SLC25A26: variants seen among roughly 807,000 people sequenced by gnomAD.
SLC25A26 encodes solute carrier family 25 member 26, also known as mitochondrial S-adenosylmethionine carrier protein.
In SLC25A26, 36 loss-of-function variants were observed where a neutral mutation model predicts 37.8. The ratio of observed to expected loss-of-function variants is 0.95; its 90% CI spans 0.73 to 1.26. The LOEUF (loss-of-function observed/expected upper bound fraction) is 1.26. Among genes scored for constraint, SLC25A26 ranks in the 50% most tolerant of loss-of-function variants. The pLI, the probability that SLC25A26 is intolerant of heterozygous loss-of-function variation, is 0.00. For synonymous variants in SLC25A26, 129 were observed against 122.5 expected (o/e 1.05, Z -0.35); for missense variants, 390 against 331.1 (o/e 1.18, Z -1.38).
In SLC25A26 at chr3:66,319,719, C is replaced by G. The variant is rs191185684; in HGVS notation, c.454-26645C>G. ...CTTAAGGGGTCAGCTAAACTGAAAT[C>G]AAAGTACTGTGACAGCAATTAAATC... On this transcript the variant is annotated intron_variant, in intron 5 of 9. Transcript: ENST00000354883. Among the ~76,000 whole-genome samples, 7 of 139,188 alleles carry G rather than the reference C, an allele frequency of 5.0e-5. No homozygotes were observed. The East Asian group carries it at 1.5e-3, about 29-fold the overall frequency. The allele number at this position is 139,188 out of a possible 152,430, so 91.3% of individuals were successfully genotyped here.
At chr3:66,139,149 T>A (rs2069995913) in intron 1 of SLC25A26, among the ~76,000 whole-genome samples, 1 of 152,040 alleles carries the variant, frequency 6.6e-6, no homozygotes, top group African/African-American at 2.4e-5. Flanking sequence ...TTCTCTTTAC[T>A]GTATTTTGCT....
chr3:66,302,795 T>G (rs2075113757), intron 5 of SLC25A26, among the ~76,000 whole-genome samples: 1 of 152,160 alleles, frequency 6.6e-6, no homozygotes, highest in Non-Finnish European at 1.5e-5. Flanking sequence ...CAAAGAACAG[T>G]GATTAAAGCC....
At chr3:66,353,949 G>A (rs561104674) in intron 6 of SLC25A26, among the ~76,000 whole-genome samples, 1 of 152,158 alleles carries the variant, frequency 6.6e-6, no homozygotes, top group Admixed American at 6.5e-5. Context: ...TTTGCTAATT[G>A]TTTGAAGGTT....
chr3:66,180,018 A>C (rs1289854059), intron 1 of SLC25A26, among the ~76,000 whole-genome samples: 1 of 140,172 alleles, frequency 7.1e-6, no homozygotes, highest in Non-Finnish European at 1.6e-5. Context: ...AGGAATAGGG[A>C]GATGCATTGC....
intron 3 of SLC25A26, among the ~76,000 whole-genome samples, chr3:66,244,948 G>T (rs1297354242): frequency 2.6e-5 from 4 of 152,190 alleles, no homozygotes; most frequent in Non-Finnish European, 4.4e-5. Flanking sequence ...CTGCACTCCA[G>T]CCTAGGCGAC....
chr3:66,221,595 A>G (rs919984396), intron 1 of SLC25A26, among the ~76,000 whole-genome samples: 2 of 152,028 alleles, frequency 1.3e-5, no homozygotes, highest in African/African-American at 2.4e-5. Context: ...TGTTCATTCA[A>G]TACATAATCT....
At chr3:66,154,599 C>T (rs552219904) in intron 1 of SLC25A26, among the ~76,000 whole-genome samples, 35 of 146,302 alleles carry the variant, frequency 2.4e-4, no homozygotes, top group Non-Finnish European at 4.6e-4. Context: ...AGTGCAGTGA[C>T]GCCATCACAG....
At chr3:66,195,763 AGAATAT>A (rs2071035785) in intron 1 of SLC25A26, among the ~76,000 whole-genome samples, 1 of 152,268 alleles carries the variant, frequency 6.6e-6, no homozygotes, top group Admixed American at 6.5e-5. Flanking sequence ...GAATGGTTGA[AGAATAT>A]GCAAAAAGCA....
At chr3:66,185,753 C>T (rs985469802) in intron 1 of SLC25A26, among the ~76,000 whole-genome samples, 1 of 151,906 alleles carries the variant, frequency 6.6e-6, no homozygotes, top group Non-Finnish European at 1.5e-5. Context: ...CTGACCCTGA[C>T]TCTGTATTTT....
intron 3 of SLC25A26, among the ~76,000 whole-genome samples, chr3:66,244,052 A>G (rs981285948): frequency 3.3e-5 from 5 of 152,234 alleles, no homozygotes; most frequent in Non-Finnish European, 1.5e-5. Context: ...TTCTATCCCA[A>G]CACTAGATGG....
chr3:66,312,264 G>A (rs182024284), intron 5 of SLC25A26, among the ~76,000 whole-genome samples: 15 of 152,254 alleles, frequency 9.9e-5, no homozygotes, highest in African/African-American at 3.1e-4. Context: ...GAACTTCGCC[G>A]CAGCTTTGTT....
At chr3:66,155,419 A>C (rs1329718501) in intron 1 of SLC25A26, among the ~76,000 whole-genome samples, 1 of 152,198 alleles carries the variant, frequency 6.6e-6, no homozygotes, top group Non-Finnish European at 1.5e-5. Flanking sequence ...AGGCTGAGGC[A>C]GAAGGATCAC....
At chr3:66,352,792 C>T (rs998927258) in intron 6 of SLC25A26, among the ~76,000 whole-genome samples, 1 of 151,928 alleles carries the variant, frequency 6.6e-6, no homozygotes, top group African/African-American at 2.4e-5. Context: ...TTCCCCATAC[C>T]TCTCTCATGT....
At chr3:66,321,625 C>T (rs1025347120) in intron 5 of SLC25A26, among the ~76,000 whole-genome samples, 1 of 152,038 alleles carries the variant, frequency 6.6e-6, no homozygotes, top group Non-Finnish European at 1.5e-5. Flanking sequence ...TAGGGAAGTA[C>T]AGATGAAGCA....
chr3:66,213,798 A>G (rs2071320471), intron 1 of SLC25A26, among the ~76,000 whole-genome samples: 1 of 151,666 alleles, frequency 6.6e-6, no homozygotes, highest in Non-Finnish European at 1.5e-5. Flanking sequence ...GCTCCTACCC[A>G]CAATATCTGT....
chr3:66,203,586 T>A (rs1006035328), intron 1 of SLC25A26, among the ~76,000 whole-genome samples: 21 of 152,344 alleles, frequency 1.4e-4, no homozygotes, highest in Non-Finnish European at 2.4e-4. Flanking sequence ...TTTAAATTTT[T>A]AAAATAATGG....
chr3:66,160,997 A>T (rs2070350870), intron 1 of SLC25A26, among the ~76,000 whole-genome samples: 1 of 152,176 alleles, frequency 6.6e-6, no homozygotes, highest in Non-Finnish European at 1.5e-5. Context: ...GAATGTATTC[A>T]AGAGCTCTTC....
intron 1 of SLC25A26, among the ~76,000 whole-genome samples, chr3:66,147,037 G>A (rs558234326): frequency 1.6e-5 from 2 of 127,730 alleles, no homozygotes; most frequent in African/African-American, 3.0e-5. Flanking sequence ...AGTATTCCAC[G>A]ATGTATCTTC....
At chr3:66,182,847 G>A (rs371271455) in intron 1 of SLC25A26, among the ~76,000 whole-genome samples, 1 of 152,018 alleles carries the variant, frequency 6.6e-6, no homozygotes, top group African/African-American at 2.4e-5. Flanking sequence ...AGCTCAATGA[G>A]CCTGAAGGAT....
Sources: gnomAD v4.1 joint callset for allele counts (sites outside exome capture counted in the v4.1 genomes callset) on GRCh38, gnomAD v4.1.1 for gene constraint, MANE v1.5 for transcripts, NCBI Gene and HGNC (gene_info 2026-07-23, HGNC 2026-07-21) for gene names.